FOXP2: variants seen among roughly 807,000 people sequenced by gnomAD.
FOXP2 encodes forkhead box protein P2.
In FOXP2, 12 loss-of-function variants were observed where a neutral mutation model predicts 115.8. The observed-to-expected ratio is 0.10, with a 90% confidence interval of 0.07 to 0.17. The LOEUF is 0.17. Ranked by LOEUF, FOXP2 falls within the 10% of genes least tolerant of loss-of-function variation. The pLI, the probability that FOXP2 is intolerant of heterozygous loss-of-function variation, is 1.00. For synonymous variants in FOXP2, 328 were observed against 297.7 expected, an observed-to-expected ratio of 1.10 and a Z score of -1.05; for missense variants, 629 against 843.5, an observed-to-expected ratio of 0.75 and a Z score of 3.15.
chr7:114,200,944 C>A (rs1277063684), intron 1 of FOXP2, among the ~76,000 whole-genome samples: 1 of 152,110 alleles, frequency 6.6e-6, no homozygotes, highest in Non-Finnish European at 1.5e-5. Flanking sequence ...CACCTGAGGT[C>A]AGGTGTTCGG....
At chr7:114,631,829 G>A (rs1804940562) in intron 6 of FOXP2, 124 bp downstream of exon 6, 2 of 967,040 alleles carry the variant, frequency 2.1e-6, no homozygotes, top group Admixed American at 4.1e-5. Flanking sequence ...ATTAAAACGT[G>A]ATTGTTAACA....
intron 2 of FOXP2, chr7:114,297,318 G>GTGTGC (rs1329030281): frequency 1.0e-5 from 6 of 577,028 alleles, no homozygotes; most frequent in Non-Finnish European, 2.0e-5. Context: ...CGCAAACTTG[G>GTGTGC]TGTGCTTGGT....
chr7:114,664,805 C>T (rs950747809), intron 16 of FOXP2: 1 of 274,990 alleles, frequency 3.6e-6, no homozygotes, highest in South Asian at 4.0e-5. Context: ...ATTTTTACTA[C>T]TGTTACAGGT....
chr7:114,240,351 T>C (rs1414589872), intron 1 of FOXP2, among the ~76,000 whole-genome samples: 2 of 152,166 alleles, frequency 1.3e-5, no homozygotes, highest in Non-Finnish European at 2.9e-5. Context: ...ATTTATTTCG[T>C]TTGTTTAATA....
At chr7:114,614,923 A>T (rs549987144) in intron 3 of FOXP2, among the ~76,000 whole-genome samples, 2 of 152,198 alleles carry the variant, frequency 1.3e-5, no homozygotes, top group East Asian at 1.9e-4. Flanking sequence ...CTTCTCTTTT[A>T]AAAAAATAAA....
chr7:114,250,589 G>A (rs1275581206), intron 1 of FOXP2, among the ~76,000 whole-genome samples: 1 of 152,130 alleles, frequency 6.6e-6, no homozygotes, highest in East Asian at 1.9e-4. Context: ...CTGCATAAAT[G>A]TCTTATTTTG....
At chr7:114,597,098 A>G (rs1802763064) in intron 3 of FOXP2, among the ~76,000 whole-genome samples, 1 of 152,132 alleles carries the variant, frequency 6.6e-6, no homozygotes, top group Admixed American at 6.6e-5. Flanking sequence ...TTTATGATGT[A>G]AATCATGTAT....
chr7:114,373,649 G>A (rs1462355589), intron 2 of FOXP2, among the ~76,000 whole-genome samples: 1 of 152,120 alleles, frequency 6.6e-6, no homozygotes, highest in Non-Finnish European at 1.5e-5. Flanking sequence ...TTTCCTTGTA[G>A]AATAAAAAAG....
At chr7:114,363,204 A>G (rs1172333054) in intron 2 of FOXP2, among the ~76,000 whole-genome samples, 2 of 152,152 alleles carry the variant, frequency 1.3e-5, no homozygotes, top group Non-Finnish European at 2.9e-5. Flanking sequence ...TTGTTCCTAA[A>G]GAGGCAAAGA....
intron 6 of FOXP2, among the ~76,000 whole-genome samples, chr7:114,636,426 A>G (rs984008502): frequency 1.3e-5 from 2 of 152,196 alleles, no homozygotes; most frequent in African/African-American, 2.4e-5. Context: ...CAGAATATAT[A>G]TAATACAAAT....
At chr7:114,316,223 C>T (rs1797272332) in intron 2 of FOXP2, among the ~76,000 whole-genome samples, 1 of 152,162 alleles carries the variant, frequency 6.6e-6, no homozygotes, top group Non-Finnish European at 1.5e-5. Context: ...ATCACAAACA[C>T]ATAGGTGAAT....
chr7:114,233,449 A>G (rs1794934959), intron 1 of FOXP2, among the ~76,000 whole-genome samples: 1 of 152,202 alleles, frequency 6.6e-6, no homozygotes, highest in Non-Finnish European at 1.5e-5. Flanking sequence ...TGATTAGTGG[A>G]TGTGATTAAA....
intron 1 of FOXP2, among the ~76,000 whole-genome samples, chr7:114,102,727 C>CACAT (rs1791017492): frequency 6.6e-6 from 1 of 151,006 alleles, no homozygotes; most frequent in African/African-American, 2.4e-5. Flanking sequence ...CACACACACA[C>CACAT]ACACACCCCA....
intron 2 of FOXP2, among the ~76,000 whole-genome samples, chr7:114,370,137 A>G (rs978570415): frequency 6.6e-6 from 1 of 152,186 alleles, no homozygotes; most frequent in African/African-American, 2.4e-5. Context: ...AAATTTGATT[A>G]AGTTCTATGT....
intron 1 of FOXP2, among the ~76,000 whole-genome samples, chr7:114,228,144 T>A (rs1489985998): frequency 6.6e-6 from 1 of 152,050 alleles, no homozygotes; most frequent in Non-Finnish European, 1.5e-5. Context: ...TATGTGGTCA[T>A]CTGATCAAAT....
chr7:114,277,373 C>T (rs1035745182), intron 1 of FOXP2, among the ~76,000 whole-genome samples: 2 of 152,148 alleles, frequency 1.3e-5, no homozygotes, highest in Non-Finnish European at 1.5e-5. Context: ...AATTGCCCAC[C>T]GTCGTTTCAG....
chr7:114,443,745 A>T (rs1233305957), intron 2 of FOXP2, among the ~76,000 whole-genome samples: 1 of 152,156 alleles, frequency 6.6e-6, no homozygotes, highest in East Asian at 1.9e-4. Context: ...GCTGCAGAGG[A>T]CATGATCTCA....
intron 6 of FOXP2, among the ~76,000 whole-genome samples, chr7:114,640,445 G>T (rs779769283): frequency 6.6e-6 from 1 of 152,100 alleles, no homozygotes. Flanking sequence ...CTACCTGTAC[G>T]AAATTGTGAT....
At position 114,395,068 on chromosome 7, in the gene FOXP2, A is replaced by T. The variant is rs77453680; in HGVS notation, c.-10-31434A>T. Among the ~76,000 whole-genome samples the T allele has an allele frequency of 2.4e-4, 36 of 152,316 alleles. No homozygotes were observed. The East Asian group carries it at 6.9e-3, about 29-fold the overall frequency. The stretch of plus-strand genomic sequence containing the variant: ...GCAAGTGGGAGTTAGGTTGGTCTTT[A>T]ACAGTTAAGGAAAAAAATTATCTGT... On this transcript the variant is annotated intron_variant, in intron 2 of 17. Coordinates refer to the FOXP2 transcript ENST00000634411.
Sources: gnomAD v4.1 joint callset for allele counts (sites outside exome capture counted in the v4.1 genomes callset) on GRCh38, gnomAD v4.1.1 for gene constraint, MANE v1.5 for transcripts, NCBI Gene and HGNC (gene_info 2026-07-23, HGNC 2026-07-21) for gene names.